CCDC85C: variants seen among roughly 807,000 people sequenced by gnomAD.
CCDC85C encodes the protein coiled-coil domain-containing protein 85C.
A neutral mutation model predicts 38.3 loss-of-function variants in CCDC85C; 18 were observed. The observed-to-expected ratio is 0.47, with a 90% CI of 0.33 to 0.70. CCDC85C has a LOEUF of 0.70. Among genes scored for constraint, CCDC85C ranks in the 30% least tolerant of loss-of-function variants. CCDC85C has a pLI of 0.03. For synonymous variants in CCDC85C, 264 were observed against 293.8 expected (o/e 0.90, Z 1.04); for missense variants, 566 against 621.2 (o/e 0.91, Z 0.94).
At chr14:99,563,653 C>A (rs1046179154) in intron 1 of CCDC85C, among the ~76,000 whole-genome samples, 1 of 152,220 alleles carries the variant, frequency 6.6e-6, no homozygotes, top group African/African-American at 2.4e-5. Flanking sequence ...ATGCTTCCCA[C>A]GAGGCGGGCA....
intron 3 of CCDC85C, among the ~76,000 whole-genome samples, chr14:99,519,279 C>CTT (rs60431041): frequency 0.036 from 4,429 of 122,780 alleles, 204 homozygotes; most frequent in East Asian, 0.12. Flanking sequence ...CCATGCCCAG[C>CTT]TTTTTTTTTT....
chr14:99,549,096 C>A (rs1383553298), intron 1 of CCDC85C, among the ~76,000 whole-genome samples: 3 of 152,212 alleles, frequency 2.0e-5, no homozygotes, highest in Non-Finnish European at 2.9e-5. Flanking sequence ...AGCTTGATTT[C>A]TTAAAAGGCA....
rs1176480320 is a variant in CCDC85C, at chr14:99,512,599, A to C, written c.*2647T>G. 1 of 152,194 alleles carries C rather than the reference A, an allele frequency of 6.6e-6. No individual in the cohort carries two copies. Among genetic ancestry groups the C allele is most frequent in the Non-Finnish European group, 1.5e-5 (1 of 68,020 alleles). 9.4% of individuals were successfully genotyped at this position (152,194 alleles called of 1,614,324 possible). ...TTCTGAGGCCAGGATGGGCTTGGCC[A>C]CCTGGGCTGGGGCGAAAGGAGACCT... On this transcript the variant is annotated 3_prime_UTR_variant, in exon 6 of 6. Transcript: ENST00000380243.
chr14:99,522,161 G>A lies in CCDC85C; in HGVS notation c.947C>T (p.Pro316Leu), dbSNP rs777837827. The A allele has an allele frequency of 3.3e-5, 51 of 1,550,964 alleles. No individual in the cohort carries two copies. The highest frequency in any genetic ancestry group is 3.7e-5 in the Non-Finnish European group (42 of 1,146,874). Residue 316 changes from proline (P) to leucine (L), a missense_variant, in exon 3 of 6, where the codon CCG (proline) becomes CTG (leucine). By Grantham distance (98) the Pro-to-Leu change is moderately conservative. This residue lies in a region of CCDC85C where 286 missense variants were observed against 276.4 expected (regional missense o/e 1.03). Coordinates refer to ENST00000380243, the MANE Select transcript of CCDC85C (RefSeq NM_001144995.2). ...YHSESQLASL[P>L]PSYQDSLQNG... The stretch of plus-strand genomic sequence containing the variant: ...CTGCAGGGAGTCCTGGTAGGAGGGC[G>A]GCAGGGACGCAAGCTGGGACTCCGA...
At chr14:99,593,493 C>T (rs977312664) in intron 1 of CCDC85C, among the ~76,000 whole-genome samples, 2 of 152,216 alleles carry the variant, frequency 1.3e-5, no homozygotes, top group African/African-American at 4.8e-5. Flanking sequence ...GCAGCTGATT[C>T]GAGCTCCTGG....
chr14:99,600,535 C>T (rs941069143), intron 1 of CCDC85C, among the ~76,000 whole-genome samples: 2 of 152,232 alleles, frequency 1.3e-5, no homozygotes, highest in African/African-American at 4.8e-5. Flanking sequence ...TAACAGCAAA[C>T]ATGACAACAG....
Position 99,502,401 on chromosome 14 carries a change from G to C in CCDC85C, c.*12845C>G, listed in dbSNP as rs116241246. 1 of 1,608,850 alleles carries C rather than the reference G, an allele frequency of 6.2e-7. No homozygotes were observed. Among genetic ancestry groups the C allele is most frequent in the Non-Finnish European group, 8.5e-7 (1 of 1,177,104 alleles). ...GGTACCAGGCATGCTAAGCGTTCTC[G>C]TGAGGGTGTTCCATGTTGAGATGAT... On this transcript the variant is annotated 3_prime_UTR_variant, in exon 6 of 6. Coordinates refer to ENST00000380243, the MANE Select transcript of CCDC85C (RefSeq NM_001144995.2).
In CCDC85C at chr14:99,511,272, T is replaced by C. The variant is rs1265819233; in HGVS notation, c.*3974A>G. 3 of 152,210 alleles carry C rather than the reference T, an allele frequency of 2.0e-5. No individual in the cohort carries two copies. Among genetic ancestry groups the C allele is most frequent in the Non-Finnish European group, 2.9e-5 (2 of 68,138 alleles). The allele number at this position is 152,210 out of a possible 1,614,324, so 9.4% of individuals were successfully genotyped here. On this transcript the variant is annotated 3_prime_UTR_variant, in exon 6 of 6. Transcript: ENST00000380243. Reference sequence around the variant, plus strand: ...GAACCACATTTTTCATTTATAGATGTTTGCATCCTTTGTATTAAAATTATT... The same window carrying C: ...GAACCACATTTTTCATTTATAGATGCTTGCATCCTTTGTATTAAAATTATT...
chr14:99,589,434 T>C (rs976277498), intron 1 of CCDC85C, among the ~76,000 whole-genome samples: 1 of 152,000 alleles, frequency 6.6e-6, no homozygotes, highest in Non-Finnish European at 1.5e-5. Context: ...CGAACGTGCA[T>C]TCGGTTGTGG....
intron 1 of CCDC85C, among the ~76,000 whole-genome samples, chr14:99,556,553 T>C (rs1203695494): frequency 1.3e-5 from 2 of 152,206 alleles, no homozygotes. Flanking sequence ...TATCTCACTG[T>C]TGCCCAGGCT....
intron 1 of CCDC85C, 45 bp from the exon 2 acceptor site, chr14:99,536,133 T>TCCGTCC: frequency 7.2e-7 from 1 of 1,381,030 alleles, no homozygotes; most frequent in Non-Finnish European, 1.0e-6. Context: ...TCCAGCAGAC[T>TCCGTCC]CCATCCCCAT....
intron 1 of CCDC85C, among the ~76,000 whole-genome samples, chr14:99,594,276 G>T (rs2055119962): frequency 6.6e-6 from 1 of 152,228 alleles, no homozygotes; most frequent in African/African-American, 2.4e-5. Flanking sequence ...CCTGCACCAG[G>T]AATTGAAGCT....
chr14:99,596,938 T>G (rs2055149421), intron 1 of CCDC85C, among the ~76,000 whole-genome samples: 1 of 152,172 alleles, frequency 6.6e-6, no homozygotes, highest in Admixed American at 6.5e-5. Context: ...GGCGCTGTCC[T>G]GCCTGAGCCC....
Position 99,506,514 on chromosome 14 carries a change from CA to C in CCDC85C, c.*8731del, listed in dbSNP as rs1371942508. On this transcript the variant is annotated 3_prime_UTR_variant, in exon 6 of 6. Coordinates refer to ENST00000380243, the MANE Select transcript of CCDC85C (RefSeq NM_001144995.2). ...CTGACTGCTGGGCTTTTGTGAGCGG[CA>C]CATTCTTCCTGCCATCAGTGTGTCA... is the stretch of plus-strand genomic sequence containing the variant. The C allele has an allele frequency of 6.5e-6, 1 of 153,674 alleles. No individual in the cohort carries two copies. The highest frequency in any genetic ancestry group is 1.4e-5 in the Non-Finnish European group (1 of 69,086). The allele number at this position is 153,674 out of a possible 1,614,324, so 9.5% of individuals were successfully genotyped here.
chr14:99,565,433 A>G (rs1898197320), intron 1 of CCDC85C, among the ~76,000 whole-genome samples: 1 of 152,166 alleles, frequency 6.6e-6, no homozygotes, highest in Admixed American at 6.5e-5. Flanking sequence ...CCTCCCATAA[A>G]AGGGAGACAA....
In CCDC85C at chr14:99,503,163, G is replaced by A. The variant is rs1896882052; in HGVS notation, c.*12083C>T. The A allele has an allele frequency of 1.3e-6, 1 of 760,732 alleles. No homozygotes were observed. The highest frequency in any genetic ancestry group is 2.3e-6 in the Non-Finnish European group (1 of 438,818). The allele number at this position is 760,732 out of a possible 1,614,324, so 47.1% of individuals were successfully genotyped here. A position where few individuals can be genotyped will look rare whatever the true frequency, so the allele number is the denominator to read the frequency against. On this transcript the variant is annotated 3_prime_UTR_variant, in exon 6 of 6. Transcript: ENST00000380243. ...TGAAAACAAAGGTGCTCCAAGGACA[G>A]GCTGCCTCTGAGAACCAGGAGGGGG...
rs1478367995 is a variant in CCDC85C at position 99,527,101 on chromosome 14, C to T, written c.868-4861G>A. Among the ~76,000 whole-genome samples, 3 of 152,236 alleles carry T rather than the reference C, an allele frequency of 2.0e-5. No individual in the cohort carries two copies. The East Asian group carries it at 5.8e-4, about 29-fold the overall frequency. On this transcript the variant is annotated intron_variant, in intron 2 of 5. Transcript: ENST00000380243. ...CAGAAGACAGGCCTCAACTTGACCC[C>T]ACGGGAACTGCACCAGAGTTGTTCC...
At chr14:99,567,477 G>A (rs1898239412) in intron 1 of CCDC85C, among the ~76,000 whole-genome samples, 1 of 152,192 alleles carries the variant, frequency 6.6e-6, no homozygotes, top group Non-Finnish European at 1.5e-5. Context: ...CTCACCAGCA[G>A]GAGGGACCCC....
At position 99,588,463 on chromosome 14, in the gene CCDC85C, C is replaced by T. The variant is rs771799417; in HGVS notation, c.793+14704G>A. Among the ~76,000 whole-genome samples, 3 of 152,024 alleles carry T rather than the reference C, an allele frequency of 2.0e-5. No homozygotes were observed. On this transcript the variant is annotated intron_variant, in intron 1 of 5. Transcript: ENST00000380243. This position sits in a 1 kb window ranked among gnomAD's most constrained non-coding sequence, Gnocchi z 5.0. ...GAGAAAAGAGAGCCCACGGACCCAT[C>T]CAAAAGTCACCAGAGGCCTGATGTG...
Sources: allele counts gnomAD v4.1 joint callset (sites outside exome capture counted in the v4.1 genomes callset), GRCh38; gene constraint gnomAD v4.1.1; regional missense constraint gnomAD v4.1.1; non-coding constraint Gnocchi (gnomAD v3.1); transcripts MANE v1.5; gene names NCBI Gene and HGNC (gene_info 2026-07-23, HGNC 2026-07-21).